The following BBS9 variants were observed in gnomAD, a reference collection of about 807,000 sequenced individuals.
BBS9 encodes Bardet-Biedl syndrome 9.
BBS9 carries 89 observed loss-of-function variants against 117.7 expected under a neutral mutation model. The observed-to-expected ratio is 0.76, with a 90% CI of 0.64 to 0.90. The LOEUF (loss-of-function observed/expected upper bound fraction) is 0.90. Ranked by LOEUF, BBS9 falls within the 40% of genes least tolerant of loss-of-function variation. The pLI is 0.00. For missense variants in BBS9, 982 were observed against 1,042.2 expected (o/e 0.94, Z 0.80); for synonymous variants, 379 against 370.9 (o/e 1.02, Z -0.25).
chr7:33,353,002 G>A, intron 15 of BBS9, 129 bp downstream of exon 15: 1 of 926,254 alleles, frequency 1.1e-6, no homozygotes, highest in Non-Finnish European at 1.7e-6. Context: ...TCTTTAGGAT[G>A]ATACAGTGCC....
chr7:33,483,638 AT>A (rs5883404), intron 19 of BBS9, among the ~76,000 whole-genome samples: 22 of 148,522 alleles, frequency 1.5e-4, no homozygotes, highest in South Asian at 4.3e-4. Flanking sequence ...ATCTCAACAG[AT>A]TTTTTTTTTT....
chr7:33,289,878 C>T (rs1283248368), intron 9 of BBS9, among the ~76,000 whole-genome samples: 1 of 151,970 alleles, frequency 6.6e-6, no homozygotes, highest in Non-Finnish European at 1.5e-5. Flanking sequence ...CCTGTCTCTA[C>T]TAAAAATACA....
At chr7:33,358,351 A>G (rs1282056983) in intron 16 of BBS9, among the ~76,000 whole-genome samples, 4 of 151,798 alleles carry the variant, frequency 2.6e-5, no homozygotes, top group Non-Finnish European at 5.9e-5. Context: ...TTCTAAGTGT[A>G]TAAATATTTA....
At chr7:33,282,296 C>A (rs1802054876) in intron 9 of BBS9, among the ~76,000 whole-genome samples, 1 of 152,142 alleles carries the variant, frequency 6.6e-6, no homozygotes. Context: ...TTTTAAATAT[C>A]AACCCTGATA....
At chr7:33,215,036 C>T (rs1336017101) in intron 5 of BBS9, among the ~76,000 whole-genome samples, 1 of 152,004 alleles carries the variant, frequency 6.6e-6, no homozygotes, top group East Asian at 1.9e-4. Context: ...ACTAAAAATA[C>T]AAAAAATTAG....
chr7:33,291,760 T>C (rs1214268275), intron 9 of BBS9, among the ~76,000 whole-genome samples: 1 of 152,174 alleles, frequency 6.6e-6, no homozygotes. Flanking sequence ...GCTAACTGAA[T>C]AGCAGTGTTA....
chr7:33,202,250 G>C (rs1158879184), intron 5 of BBS9, among the ~76,000 whole-genome samples: 1 of 152,128 alleles, frequency 6.6e-6, no homozygotes, highest in African/African-American at 2.4e-5. Context: ...CAGATGCTAG[G>C]ATTATTATCA....
chr7:33,132,721 C>T, intron 1 of BBS9, among the ~76,000 whole-genome samples: 1 of 152,140 alleles, frequency 6.6e-6, no homozygotes, highest in East Asian at 1.9e-4. Flanking sequence ...CAGTACCAGA[C>T]CTCCCACACC....
At chr7:33,147,255 G>A (rs546583225) in intron 2 of BBS9, among the ~76,000 whole-genome samples, 1 of 148,860 alleles carries the variant, frequency 6.7e-6, no homozygotes, top group Admixed American at 6.7e-5. Flanking sequence ...TATAGTCATG[G>A]GCTTTTTTTT....
intron 9 of BBS9, chr7:33,314,457 A>G (rs1810030476): frequency 4.2e-6 from 1 of 237,014 alleles, no homozygotes; most frequent in African/African-American, 2.3e-5. Flanking sequence ...TTATTTGACA[A>G]TTAGAAGGAA....
At chr7:33,335,089 C>T (rs74423949) in intron 9 of BBS9, among the ~76,000 whole-genome samples, 4,165 of 152,234 alleles carry the variant, frequency 0.027, 191 homozygotes, top group African/African-American at 0.091. Context: ...CTGCCATGAT[C>T]CACTGTTGGG....
chr7:33,138,009 G>C (rs1790804248), intron 1 of BBS9, among the ~76,000 whole-genome samples: 1 of 152,158 alleles, frequency 6.6e-6, no homozygotes, highest in South Asian at 2.1e-4. Flanking sequence ...TTAAAAATTA[G>C]CCCTTCCTCC....
intron 3 of BBS9, among the ~76,000 whole-genome samples, chr7:33,153,928 G>T (rs777120773): frequency 1.3e-5 from 2 of 152,172 alleles, no homozygotes; most frequent in Non-Finnish European, 2.9e-5. Flanking sequence ...GGAGACAAAA[G>T]CATCCTTCCT....
chr7:33,220,555 G>C (rs1206580060), intron 5 of BBS9, among the ~76,000 whole-genome samples: 1 of 152,160 alleles, frequency 6.6e-6, no homozygotes, highest in Non-Finnish European at 1.5e-5. Flanking sequence ...AAACATAAAG[G>C]CTACATTTAA....
At chr7:33,419,829 G>A (rs1049192080) in intron 19 of BBS9, among the ~76,000 whole-genome samples, 1 of 152,096 alleles carries the variant, frequency 6.6e-6, no homozygotes, top group African/African-American at 2.4e-5. Flanking sequence ...GGCATACAAA[G>A]CCCTTAAAAT....
intron 9 of BBS9, among the ~76,000 whole-genome samples, chr7:33,284,515 G>T (rs1302438954): frequency 3.3e-5 from 5 of 152,040 alleles, no homozygotes; most frequent in Non-Finnish European, 7.4e-5. Context: ...TCTGTATGAT[G>T]ATATTTTCCT....
intron 19 of BBS9, among the ~76,000 whole-genome samples, chr7:33,457,290 C>T (rs1254526557): frequency 1.3e-5 from 2 of 152,122 alleles, no homozygotes; most frequent in African/African-American, 2.4e-5. Flanking sequence ...ACAAGAACAA[C>T]GTCAAGAATG....
At chr7:33,499,414 A>G (rs937786916) in intron 19 of BBS9, among the ~76,000 whole-genome samples, 1 of 152,180 alleles carries the variant, frequency 6.6e-6, no homozygotes, top group Non-Finnish European at 1.5e-5. Flanking sequence ...AGCCTATTGC[A>G]TTCTTCCCTA....
At chr7:33,598,295 A>G (rs952119187) in intron 21 of BBS9, among the ~76,000 whole-genome samples, 1 of 152,132 alleles carries the variant, frequency 6.6e-6, no homozygotes, top group African/African-American at 2.4e-5. Context: ...ACATCAGACA[A>G]ATTCCAATAG....
Sources: gnomAD v4.1 joint callset for allele counts (sites outside exome capture counted in the v4.1 genomes callset) on GRCh38, gnomAD v4.1.1 for gene constraint, MANE v1.5 for transcripts, NCBI Gene and HGNC (gene_info 2026-07-23, HGNC 2026-07-21) for gene names.